ERC2: variants seen among roughly 807,000 people sequenced by gnomAD.
ERC2 encodes ERC protein 2.
In ERC2, 42 loss-of-function variants were observed where a neutral mutation model predicts 114.8. That is an observed-to-expected ratio of 0.37 (90% confidence interval 0.29 to 0.47). The LOEUF is 0.47. Among genes scored for constraint, ERC2 ranks in the 20% least tolerant of loss-of-function variants. ERC2 has a pLI of 0.99. For synonymous variants in ERC2, 454 were observed against 425.5 expected (o/e 1.07, Z -0.82); for missense variants, 939 against 1,150.7 (o/e 0.82, Z 2.66).
intron 17 of ERC2, among the ~76,000 whole-genome samples, chr3:55,656,098 C>CTTTATTTA (rs144217897): frequency 0.16 from 23,527 of 150,128 alleles, 1,926 homozygotes; most frequent in Non-Finnish European, 0.18. Flanking sequence ...ATGGAATGCA[C>CTTTATTTA]TTTATTTATT....
At chr3:56,399,272 C>T (rs1006468436) in intron 2 of ERC2, among the ~76,000 whole-genome samples, 1 of 152,168 alleles carries the variant, frequency 6.6e-6, no homozygotes, top group Admixed American at 6.5e-5. Flanking sequence ...ATAACATTAG[C>T]CTTACATTAA....
At chr3:55,726,825 G>A (rs2064954046) in intron 15 of ERC2, among the ~76,000 whole-genome samples, 1 of 152,142 alleles carries the variant, frequency 6.6e-6, no homozygotes, top group South Asian at 2.1e-4. Context: ...TGCTCTAGCT[G>A]ACCTATGTGT....
intron 17 of ERC2, among the ~76,000 whole-genome samples, chr3:55,671,674 C>T (rs914614077): frequency 5.3e-5 from 8 of 152,172 alleles, no homozygotes; most frequent in Non-Finnish European, 1.0e-4. Flanking sequence ...GCTAGGCTAT[C>T]GGCCTTCTCC....
intron 14 of ERC2, 109 bp from the exon 15 acceptor site, chr3:55,735,027 A>C (rs1041907263): frequency 1.1e-5 from 13 of 1,190,336 alleles, no homozygotes; most frequent in African/African-American, 1.1e-4. Context: ...ATGGAAAGAA[A>C]TTATGAATAC....
chr3:55,970,768 G>GAATACAATT (rs1430777527), intron 12 of ERC2, among the ~76,000 whole-genome samples: 1 of 152,142 alleles, frequency 6.6e-6, no homozygotes, highest in Non-Finnish European at 1.5e-5. Context: ...AGCCACTTTT[G>GAATACAATT]AATACAATTT....
At position 56,343,192 on chromosome 3, in the gene ERC2, T is replaced by TCACACACA. The variant is rs61632315; in HGVS notation, c.658-46765_658-46758dup. On this transcript the variant is annotated intron_variant, in intron 2 of 17. Transcript: ENST00000288221. The stretch of plus-strand genomic sequence containing the variant: ...TTCTCTCTCTCTCTCTCTCTCTCTC[T>TCACACACA]CACACACACACACACACAAACACAC... Among the ~76,000 whole-genome samples the TCACACACA allele has an allele frequency of 1.6e-3, 202 of 126,208 alleles. 1 individual carries two copies. The highest frequency in any genetic ancestry group is 0.016 in the Middle Eastern group (4 of 258). 82.8% of individuals were successfully genotyped at this position (126,208 alleles called of 152,430 possible).
At chr3:56,029,962 TTTC>T (rs1241901521) in intron 7 of ERC2, among the ~76,000 whole-genome samples, 1 of 152,146 alleles carries the variant, frequency 6.6e-6, no homozygotes, top group East Asian at 1.9e-4. Context: ...ATGCTTACAT[TTTC>T]TTCTCAGCAC....
intron 17 of ERC2, among the ~76,000 whole-genome samples, chr3:55,534,418 G>C (rs530620666): frequency 7.2e-4 from 106 of 146,282 alleles, no homozygotes; most frequent in African/African-American, 2.6e-3. Flanking sequence ...AAAAGGCCAG[G>C]CTTGGTGGCT....
At chr3:56,186,033 G>A (rs779869337) in intron 3 of ERC2, among the ~76,000 whole-genome samples, 31 of 147,258 alleles carry the variant, frequency 2.1e-4, no homozygotes, top group Non-Finnish European at 3.6e-4. Flanking sequence ...AAGGAAATCA[G>A]GACCTTGGAC....
At chr3:56,230,960 C>T (rs1054575201) in intron 3 of ERC2, among the ~76,000 whole-genome samples, 3 of 152,190 alleles carry the variant, frequency 2.0e-5, no homozygotes, top group Non-Finnish European at 4.4e-5. Context: ...TCAGGTGCTG[C>T]CTAAGGGCAA....
chr3:56,339,445 C>A (rs922990583), intron 2 of ERC2, among the ~76,000 whole-genome samples: 5 of 152,024 alleles, frequency 3.3e-5, no homozygotes, highest in African/African-American at 9.7e-5. Flanking sequence ...TACTTTGGCA[C>A]TGCTGAAGTG....
intron 12 of ERC2, among the ~76,000 whole-genome samples, chr3:55,970,506 A>T (rs1442479943): frequency 6.6e-5 from 10 of 152,094 alleles, no homozygotes; most frequent in Non-Finnish European, 1.5e-5. Context: ...AAAGACAAAT[A>T]ACCTAATTAA....
At chr3:55,730,970 A>C (rs745325112) in intron 15 of ERC2, among the ~76,000 whole-genome samples, 1 of 152,178 alleles carries the variant, frequency 6.6e-6, no homozygotes, top group Non-Finnish European at 1.5e-5. Context: ...TGGTCCCTGA[A>C]AGAGCTCTGC....
intron 17 of ERC2, among the ~76,000 whole-genome samples, chr3:55,628,751 AT>A (rs2148619686): frequency 6.6e-6 from 1 of 152,334 alleles, no homozygotes; most frequent in Non-Finnish European, 1.5e-5. Flanking sequence ...GAACCTGGCT[AT>A]TAAGAATATT....
At chr3:56,038,084 G>C (rs555904560) in intron 7 of ERC2, among the ~76,000 whole-genome samples, 3 of 152,122 alleles carry the variant, frequency 2.0e-5, no homozygotes, top group East Asian at 3.9e-4. Flanking sequence ...TGACAAATAG[G>C]ATCTAATTAA....
intron 2 of ERC2, among the ~76,000 whole-genome samples, chr3:56,420,211 G>A (rs1224457447): frequency 7.1e-5 from 8 of 112,764 alleles, no homozygotes; most frequent in African/African-American, 2.4e-4. Flanking sequence ...TGGAGACAGA[G>A]TATTACTCTG....
chr3:56,087,020 G>C (rs1033972666), intron 6 of ERC2, among the ~76,000 whole-genome samples: 3 of 152,068 alleles, frequency 2.0e-5, no homozygotes, highest in African/African-American at 7.2e-5. Flanking sequence ...AAAAACAAAA[G>C]AAAATTAGAA....
rs200067863 is a variant in ERC2 at position 56,032,955 on chromosome 3, G to C, written c.1642-13924C>G. Among the ~76,000 whole-genome samples, 7 of 42,704 alleles carry C rather than the reference G, an allele frequency of 1.6e-4. 2 individuals are homozygous for C. Among genetic ancestry groups the C allele is most frequent in the Non-Finnish European group, 2.9e-4 (6 of 20,606 alleles). The allele number at this position is 42,704 out of a possible 152,430, so 28.0% of individuals were successfully genotyped here. On this transcript the variant is annotated intron_variant, in intron 7 of 17. Coordinates refer to ENST00000288221, the MANE Select transcript of ERC2 (RefSeq NM_015576.3). Reference sequence around the variant, plus strand: ...AGAAAGAAAGAAAGAAAGAAAGAAAGAAACAGAAAGAAAGAAAGAAAGAGA... The same window carrying C: ...AGAAAGAAAGAAAGAAAGAAAGAAACAAACAGAAAGAAAGAAAGAAAGAGA...
rs570224720 is a variant in ERC2 at position 55,648,045 on chromosome 3, G to A, written c.*39+35749C>T. ...TGGTGGTGGAATACAGCAAGACGAT[G>A]GGGCCATAAGAAGGAGGCAGGGCCA... On this transcript the variant is annotated intron_variant, in intron 17 of 17. Coordinates refer to ENST00000288221, the MANE Select transcript of ERC2 (RefSeq NM_015576.3). 1.2e-4 allele frequency among the ~76,000 whole-genome samples: 19 copies of A among 152,316 alleles called. No homozygotes were observed. In the East Asian group the frequency reaches 2.5e-3, roughly 20 times the overall value.
Sources: allele counts gnomAD v4.1 joint callset (sites outside exome capture counted in the v4.1 genomes callset), GRCh38; gene constraint gnomAD v4.1.1; transcripts MANE v1.5; gene names NCBI Gene and HGNC (gene_info 2026-07-23, HGNC 2026-07-21).